Variants in PRAME observed in about 807,000 individuals in gnomAD.
PRAME encodes the protein PRAME nuclear receptor transcriptional regulator, also known as melanoma antigen preferentially expressed in tumors.
In PRAME, 21 loss-of-function variants were observed where a neutral mutation model predicts 32.1. The observed-to-expected ratio is 0.65, with a 90% CI of 0.46 to 0.94. The LOEUF is 0.94. PRAME is among the 40% of genes least tolerant of loss of function. The pLI is 0.00. For synonymous variants in PRAME, 274 were observed against 251.5 expected, an observed-to-expected ratio of 1.09 and a Z score of -0.85; for missense variants, 651 against 622.3, an observed-to-expected ratio of 1.05 and a Z score of -0.49.
At chr22:22,555,632 G>C (rs2062860143) in intron 3 of PRAME, among the ~76,000 whole-genome samples, 2 of 151,808 alleles carry the variant, frequency 1.3e-5, no homozygotes, top group South Asian at 2.1e-4. Context: ...GCCTCCCAAA[G>C]TGCTGGGATT....
intron 2 of PRAME, 69 bp from the exon 3 acceptor site, chr22:22,556,978 C>A: frequency 9.9e-7 from 1 of 1,014,820 alleles, no homozygotes. Context: ...CAACGGCCTC[C>A]TGTGAAAACC....
Position 22,547,893 on chromosome 22 carries a change from C to CT in PRAME, c.*173dup, listed in dbSNP as rs972270635. The CT allele has an allele frequency of 2.7e-6, 2 of 735,578 alleles. No homozygotes were observed. The highest frequency in any genetic ancestry group is 2.8e-5 in the Admixed American group (1 of 35,456). 45.6% of individuals were successfully genotyped at this position (735,578 alleles called of 1,614,324 possible). A position where few individuals can be genotyped will look rare whatever the true frequency, so the allele number is the denominator to read the frequency against. On this transcript the variant is annotated 3_prime_UTR_variant, in exon 6 of 6. Coordinates refer to ENST00000405655, the MANE Select transcript of PRAME (RefSeq NM_206956.3). ...AACATCTGCCTACCCCCAACTTCCC[C>CT]TTTTTTTCCTCACTGAACATTTGTC...
In PRAME at chr22:22,550,867, G is replaced by A. The variant is rs780947404; in HGVS notation, c.244C>T (p.Pro82Ser). 75 of 1,613,656 alleles carry A rather than the reference G, an allele frequency of 4.6e-5. No individual in the cohort carries two copies. The highest frequency in any genetic ancestry group is 6.2e-5 in the Non-Finnish European group (73 of 1,179,890). ...TGTCCCTTCATCAGCACTCCCAGAG[G>A]GAGGCAGGTGAAGGGCCAGGCCTGC... ...MVQAWPFTCL[P>S]LGVLMKGQHL... Residue 82 changes from proline to serine, a missense_variant, in exon 4 of 6, where the codon CCT (proline) becomes TCT (serine). Transcript: ENST00000405655.
intron 5 of PRAME, 122 bp from the exon 6 acceptor site, chr22:22,548,765 T>C: frequency 1.1e-6 from 1 of 903,828 alleles, no homozygotes; most frequent in Non-Finnish European, 1.7e-6. Flanking sequence ...CAGGATGCCA[T>C]GCTGTAACGG....
intron 3 of PRAME, chr22:22,555,993 A>AT (rs113693405): frequency 2.5e-3 from 831 of 334,000 alleles, no homozygotes; most frequent in African/African-American, 3.2e-3. Flanking sequence ...ATGCATTAAG[A>AT]TTTTTTTTTT....
chr22:22,549,654 G>C (rs983259579), intron 5 of PRAME, 72 bp downstream of exon 5: 6 of 1,502,740 alleles, frequency 4.0e-6, no homozygotes, highest in Middle Eastern at 2.5e-4. Context: ...GCACATACAA[G>C]ATATCCTTTA....
At chr22:22,549,376 G>A (rs969893003) in intron 5 of PRAME, among the ~76,000 whole-genome samples, 5 of 151,844 alleles carry the variant, frequency 3.3e-5, no homozygotes, top group African/African-American at 1.2e-4. Flanking sequence ...CACCTTTGAT[G>A]GGCTTTCCCT....
intron 3 of PRAME, chr22:22,554,110 A>C (rs1431061504): frequency 1.0e-6 from 1 of 984,848 alleles, no homozygotes; most frequent in African/African-American, 1.8e-5. Context: ...AAAAAATTGA[A>C]GTTATATTTG....
At chr22:22,557,342 G>A (rs985075032) in intron 2 of PRAME, 2 of 166,084 alleles carry the variant, frequency 1.2e-5, no homozygotes, top group East Asian at 1.6e-4. Context: ...CTCGGTTCAA[G>A]GCATCCTTAC....
In PRAME at chr22:22,548,498, C is replaced by T. The variant is rs770014359; in HGVS notation, c.1099G>A (p.Glu367Lys). ...SGVMLTDVSP[E>K]PLQALLERAS... ...CTCTCCAGCAGAGCTTGGAGGGGCT[C>T]GGGACTTACATCGGTCAGCATGACC... Residue 367 changes from glutamate (E) to lysine (K), a missense_variant, in exon 6 of 6, where the codon GAG (glutamate) becomes AAG (lysine). Transcript: ENST00000405655. The T allele has an allele frequency of 1.5e-5, 24 of 1,613,562 alleles. No individual in the cohort carries two copies. Among genetic ancestry groups the T allele is most frequent in the South Asian group, 7.7e-5 (7 of 91,064 alleles).
chr22:22,554,909 G>T (rs1010760669), intron 3 of PRAME, among the ~76,000 whole-genome samples: 2 of 151,938 alleles, frequency 1.3e-5, no homozygotes, highest in Non-Finnish European at 2.9e-5. Flanking sequence ...TCAAGTGTGA[G>T]TTGTGTAATC....
At chr22:22,555,151 G>C (rs539988426) in intron 3 of PRAME, among the ~76,000 whole-genome samples, 90 of 152,118 alleles carry the variant, frequency 5.9e-4, no homozygotes, top group African/African-American at 2.1e-3. Context: ...TGGTTCTTAT[G>C]GTCCTTGTGG....
chr22:22,550,393 A>G, intron 4 of PRAME, 59 bp from the exon 5 acceptor site: 3 of 1,561,842 alleles, frequency 1.9e-6, no homozygotes, highest in Non-Finnish European at 2.6e-6. Flanking sequence ...TCAAAATAAG[A>G]CCATGAGTCT....
chr22:22,554,430 C>T (rs2266981), intron 3 of PRAME, among the ~76,000 whole-genome samples: 98,153 of 151,658 alleles, frequency 0.65, 32,174 homozygotes, highest in East Asian at 0.74. Flanking sequence ...TTGTGAAAAC[C>T]GGGTTAAACT....
chr22:22,557,159 A>G, intron 2 of PRAME: 3 of 431,884 alleles, frequency 6.9e-6, no homozygotes, highest in Non-Finnish European at 8.5e-6. Flanking sequence ...AAGGACCCTG[A>G]CTACGGTCTT....
At chr22:22,557,194 C>A in intron 2 of PRAME, 1 of 335,044 alleles carries the variant, frequency 3.0e-6, no homozygotes, top group South Asian at 3.1e-5. Flanking sequence ...GCCTCTGCTC[C>A]CGCCTTCCTA....
At position 22,549,811 on chromosome 22, in the gene PRAME, A is replaced by T; in HGVS notation, c.868T>A (p.Ser290Thr). The change falls in exon 5 of 6, where the codon TCT becomes ACT. Residue 290 changes from serine to threonine, a missense_variant. Ser to Thr is a moderately conservative substitution (Grantham distance 58). Coordinates refer to ENST00000405655, the MANE Select transcript of PRAME (RefSeq NM_206956.3). ...AGGCACTGCAGACTGAGGAACTGAGAGGTGAACTGGGCGATATACTGCTCT... is the reference window on the plus strand; with the variant it reads ...AGGCACTGCAGACTGAGGAACTGAGTGGTGAACTGGGCGATATACTGCTCT... ...KEEQYIAQFT[S>T]QFLSLQCLQA... 1 of 1,613,844 alleles carries T rather than the reference A, an allele frequency of 6.2e-7. No homozygotes were observed. The highest frequency in any genetic ancestry group is 8.5e-7 in the Non-Finnish European group (1 of 1,179,944).
intron 3 of PRAME, chr22:22,553,882 C>A: frequency 3.0e-6 from 3 of 985,146 alleles, no homozygotes; most frequent in Non-Finnish European, 3.6e-6. Flanking sequence ...TCACAAGCAG[C>A]AGGTCAGGCC....
intron 2 of PRAME, chr22:22,557,282 A>C: frequency 4.5e-6 from 1 of 222,222 alleles, no homozygotes; most frequent in Non-Finnish European, 9.2e-6. Context: ...CATCCACCGC[A>C]TTACAAATGC....
Sources: allele counts gnomAD v4.1 joint callset (sites outside exome capture counted in the v4.1 genomes callset), GRCh38; gene constraint gnomAD v4.1.1; transcripts MANE v1.5; gene names NCBI Gene and HGNC (gene_info 2026-07-23, HGNC 2026-07-21).